The following TASP1 variants were observed in gnomAD, a reference collection of about 807,000 sequenced individuals.
TASP1 encodes the protein taspase 1.
TASP1 carries 16 observed loss-of-function variants against 56.6 expected under a neutral mutation model. The ratio of observed to expected loss-of-function variants is 0.28; its 90% CI spans 0.19 to 0.43. The LOEUF (loss-of-function observed/expected upper bound fraction) is 0.43, where lower values mean the gene tolerates loss of function less well. Ranked by LOEUF, TASP1 falls within the 20% of genes least tolerant of loss-of-function variation. The probability of loss-of-function intolerance (pLI) is 1.00; values close to 1 mark genes in which losing one functional copy is unlikely to be tolerated. For synonymous variants in TASP1, 179 were observed against 184.2 expected (o/e 0.97, Z 0.23); for missense variants, 393 against 511.6 (o/e 0.77, Z 2.24).
At chr20:13,477,197 T>C (rs1248716264) in intron 11 of TASP1, among the ~76,000 whole-genome samples, 3 of 152,114 alleles carry the variant, frequency 2.0e-5, no homozygotes, top group African/African-American at 7.2e-5. Flanking sequence ...TCCATCTCAA[T>C]TGTCGACAGC....
At chr20:13,290,032 A>G in the TASP1 span, among the ~76,000 whole-genome samples, 1 of 152,216 alleles carries the variant, frequency 6.6e-6, no homozygotes, top group Admixed American at 6.5e-5. Context: ...AGGAAGAATC[A>G]GATTGGAATG....
the TASP1 span, among the ~76,000 whole-genome samples, chr20:13,207,141 A>G: frequency 6.6e-6 from 1 of 152,238 alleles, no homozygotes; most frequent in East Asian, 1.9e-4. Flanking sequence ...TTAGTGGCAT[A>G]TCTGCAGAAC....
At chr20:13,247,518 GTGTGT>G in the TASP1 span, among the ~76,000 whole-genome samples, 108 of 58,022 alleles carry the variant, frequency 1.9e-3, 2 homozygotes, top group African/African-American at 0.011. Flanking sequence ...AAAGTGAGGG[GTGTGT>G]GTGTGTGTGT....
chr20:13,572,705 A>AAAAC (rs2046762161), intron 6 of TASP1, among the ~76,000 whole-genome samples: 1 of 150,424 alleles, frequency 6.6e-6, no homozygotes. Context: ...AAAAAAAAAA[A>AAAAC]CTCTCAAGAA....
Position 13,625,203 on chromosome 20 carries a change from G to A in TASP1, c.195C>T (p.Cys65=). The A allele has an allele frequency of 1.2e-6, 2 of 1,610,734 alleles. No homozygotes were observed. The highest frequency in any genetic ancestry group is 1.7e-6 in the Non-Finnish European group (2 of 1,178,778). The change falls in exon 3 of 14, where the codon TGC becomes TGT. Residue 65 remains cysteine, a synonymous_variant. Transcript: ENST00000337743. ...TTCATACCTTCTGACAAGCTCGTTT[G>A]CATACATGTTTATACTCCTTGGCTT... ...ESKAKEYKHV[C]KRACQKAIEK...
chr20:13,327,845 T>C, the TASP1 span, among the ~76,000 whole-genome samples: 1 of 152,078 alleles, frequency 6.6e-6, no homozygotes, highest in African/African-American at 2.4e-5. Context: ...CCCAAAACTA[T>C]AAAAATCCTA....
intron 8 of TASP1, among the ~76,000 whole-genome samples, chr20:13,545,677 A>T (rs945863228): frequency 6.6e-6 from 1 of 152,060 alleles, no homozygotes; most frequent in Non-Finnish European, 1.5e-5. Context: ...AATGGAACAC[A>T]CATGGCCAGT....
At chr20:13,521,471 T>G (rs73610483) in intron 10 of TASP1, among the ~76,000 whole-genome samples, 2,457 of 152,170 alleles carry the variant, frequency 0.016, 69 homozygotes, top group African/African-American at 0.054. Context: ...CATGTCCTTT[T>G]TAGGGACATG....
chr20:13,228,133 C>T, the TASP1 span, among the ~76,000 whole-genome samples: 770 of 151,632 alleles, frequency 5.1e-3, 13 homozygotes, highest in African/African-American at 0.016. Flanking sequence ...CCACCATGCC[C>T]GGCTAATTTT....
At chr20:13,503,772 G>A (rs561062917) in intron 10 of TASP1, among the ~76,000 whole-genome samples, 1 of 151,860 alleles carries the variant, frequency 6.6e-6, no homozygotes, top group African/African-American at 2.4e-5. Flanking sequence ...TTAAAATCAT[G>A]CAAAATAATC....
the TASP1 span, among the ~76,000 whole-genome samples, chr20:13,269,640 C>T: frequency 2.0e-5 from 3 of 152,140 alleles, no homozygotes; most frequent in Non-Finnish European, 4.4e-5. Context: ...TGGCAGGGTG[C>T]CACCTTCTCT....
chr20:13,313,922 A>T, the TASP1 span, among the ~76,000 whole-genome samples: 1 of 152,214 alleles, frequency 6.6e-6, no homozygotes, highest in Admixed American at 6.5e-5. Context: ...GTAAGCAGAG[A>T]GATAAAAAAT....
chr20:13,625,348 A>G, intron 2 of TASP1, 96 bp from the exon 3 acceptor site: 1 of 983,530 alleles, frequency 1.0e-6, no homozygotes, highest in Non-Finnish European at 1.5e-6. Context: ...CTGTCCTAGT[A>G]AAAAACAAAA....
chr20:13,269,735 C>T, the TASP1 span, among the ~76,000 whole-genome samples: 1 of 152,326 alleles, frequency 6.6e-6, no homozygotes, highest in South Asian at 2.1e-4. Context: ...CACTCTCCAT[C>T]ATCTTCTTTC....
chr20:13,597,730 A>G (rs6042235), intron 4 of TASP1, among the ~76,000 whole-genome samples: 68,147 of 151,962 alleles, frequency 0.45, 16,810 homozygotes, highest in African/African-American at 0.66. Flanking sequence ...TAGGAAAAGA[A>G]GAAGTCAAAT....
At chr20:13,478,374 C>CACACACACACACACACAT (rs56698233) in intron 11 of TASP1, among the ~76,000 whole-genome samples, 1 of 151,408 alleles carries the variant, frequency 6.6e-6, no homozygotes, top group African/African-American at 2.4e-5. Flanking sequence ...CACACACACA[C>CACACACACACACACACAT]GAATACTATT....
At chr20:13,612,832 A>G (rs1600165417) in intron 4 of TASP1, among the ~76,000 whole-genome samples, 2 of 152,332 alleles carry the variant, frequency 1.3e-5, no homozygotes, top group Admixed American at 1.3e-4. Flanking sequence ...AACAGTAACA[A>G]GATAACCAAC....
chr20:13,524,725 A>G lies in TASP1; in HGVS notation c.874+3708T>C, dbSNP rs75877102. Among the ~76,000 whole-genome samples the G allele has an allele frequency of 2.1e-3, 326 of 152,300 alleles. 2 individuals are homozygous for G. The highest frequency in any genetic ancestry group is 3.5e-3 in the Non-Finnish European group (236 of 68,024). ...TTAAACTTCTGGATTCAGGTGTGTT[A>G]TAACTGATGCATCCTCCCATGTAAT... is the stretch of plus-strand genomic sequence containing the variant. On this transcript the variant is annotated intron_variant, in intron 10 of 13. Coordinates refer to ENST00000337743, the MANE Select transcript of TASP1 (RefSeq NM_017714.3).
chr20:13,600,716 T>G (rs1042561630), intron 4 of TASP1: 25 of 152,116 alleles, frequency 1.6e-4, no homozygotes, highest in Non-Finnish European at 5.9e-5. Context: ...ATAATTGAAT[T>G]TTATCACTTT....
Sources: allele counts gnomAD v4.1 joint callset (sites outside exome capture counted in the v4.1 genomes callset), GRCh38; gene constraint gnomAD v4.1.1; transcripts MANE v1.5; gene names NCBI Gene and HGNC (gene_info 2026-07-23, HGNC 2026-07-21).